Variants in STX2 observed in about 807,000 individuals in gnomAD.
STX2 encodes the protein syntaxin 2.
A neutral mutation model predicts 40.6 loss-of-function variants in STX2; 27 were observed. The ratio of observed to expected loss-of-function variants is 0.66; its 90% confidence interval spans 0.49 to 0.92. The LOEUF (loss-of-function observed/expected upper bound fraction) is 0.92. STX2 is among the 40% of genes least tolerant of loss of function. STX2 has a pLI of 0.00. For synonymous variants in STX2, 123 were observed against 119.1 expected (o/e 1.03, Z -0.22); for missense variants, 328 against 366.1 (o/e 0.90, Z 0.85).
chr12:130,831,775 G>T, intron 1 of STX2, among the ~76,000 whole-genome samples: 1 of 149,220 alleles, frequency 6.7e-6, no homozygotes, highest in South Asian at 2.1e-4. Context: ...TTATTTTTTT[G>T]TATTTTTACT....
intron 6 of STX2, among the ~76,000 whole-genome samples, 193 bp from the exon 7 acceptor site, chr12:130,801,681 C>A (rs2136246872): frequency 6.6e-6 from 1 of 152,192 alleles, no homozygotes; most frequent in Middle Eastern, 3.4e-3. Context: ...TAAAAATACT[C>A]CGAGAAACTT....
In STX2 at chr12:130,832,688, C is replaced by T. The variant is rs113880142; in HGVS notation, c.31-5421G>A. On this transcript the variant is annotated intron_variant, in intron 1 of 10. Transcript: ENST00000392373. ...ACTTGGGGGCGGGGGCAGCCCCTTA[C>T]ACCAGGCCGTGGAGACGAAGAGAAA... Among the ~76,000 whole-genome samples the T allele has an allele frequency of 4.4e-3, 672 of 152,316 alleles. 10 individuals are homozygous for T. Among genetic ancestry groups the T allele is most frequent in the African/African-American group, 0.016 (649 of 41,572 alleles).
intron 6 of STX2, among the ~76,000 whole-genome samples, chr12:130,803,236 T>C (rs909625234): frequency 4.6e-5 from 7 of 152,170 alleles, no homozygotes; most frequent in African/African-American, 1.7e-4. Flanking sequence ...CATGGTGGTT[T>C]ACATGTATAA....
chr12:130,802,688 G>A (rs866653666), intron 6 of STX2, among the ~76,000 whole-genome samples: 2 of 151,990 alleles, frequency 1.3e-5, no homozygotes, highest in East Asian at 1.9e-4. Flanking sequence ...ACAGAGATGG[G>A]GTTTTGCTAT....
At chr12:130,813,962 T>C (rs1468697417) in intron 3 of STX2, among the ~76,000 whole-genome samples, 2 of 152,142 alleles carry the variant, frequency 1.3e-5, no homozygotes, top group Non-Finnish European at 2.9e-5. Context: ...GTAGACAACT[T>C]GGCCAAGAAT....
chr12:130,808,688 A>C lies in STX2; in HGVS notation c.297T>G (p.Phe99Leu), dbSNP rs1442950801. The change falls in exon 5 of 11, where the codon TTT becomes TTG. Residue 99 changes from phenylalanine to leucine, a missense_variant. Coordinates refer to ENST00000392373, the MANE Select transcript of STX2 (RefSeq NM_194356.4). ...RAKLKAIEQS[F>L]DQDESGNRTS... Reference sequence around the variant, plus strand: ...TCCGGTTCCCACTCTCATCCTGATCAAAACTTTGTTCAATAGCTAGGAACA... The same window carrying C: ...TCCGGTTCCCACTCTCATCCTGATCCAAACTTTGTTCAATAGCTAGGAACA... 5 of 1,612,286 alleles carry C rather than the reference A, an allele frequency of 3.1e-6. No individual in the cohort carries two copies. The Admixed American group carries it at 8.4e-5, about 27-fold the overall frequency.
rs1304751462 is a variant in STX2, at chr12:130,795,902, C to G, written c.*45+93G>C. The stretch of plus-strand genomic sequence containing the variant: ...TTATCTGTACTGCGTGGCTGGCAAG[C>G]TTTTATTAGTTTTATGTCTATTACA... On this transcript the variant is annotated intron_variant, in intron 10 of 10. Coordinates refer to ENST00000392373, the MANE Select transcript of STX2 (RefSeq NM_194356.4). 7.0e-6 allele frequency: 10 copies of G among 1,436,194 alleles called. No homozygotes were observed. The South Asian group carries it at 8.9e-5, about 13-fold the overall frequency. 89.0% of individuals were successfully genotyped at this position (1,436,194 alleles called of 1,614,324 possible).
Position 130,791,011 on chromosome 12 carries a change from TA to T in STX2, c.*1011del, listed in dbSNP as rs1214211145. ...GTGGCTCCAACACCATGAAGCTTCC[TA>T]TTTCACTCAAAAGGCCACATTCAGT... On this transcript the variant is annotated 3_prime_UTR_variant, in exon 11 of 11. Transcript: ENST00000392373. The T allele has an allele frequency of 6.6e-6, 1 of 152,548 alleles. No individual in the cohort carries two copies. Among genetic ancestry groups the T allele is most frequent in the Non-Finnish European group, 1.5e-5 (1 of 68,042 alleles). 9.4% of individuals were successfully genotyped at this position (152,548 alleles called of 1,614,324 possible). A position where few individuals can be genotyped will look rare whatever the true frequency, so the allele number is the denominator to read the frequency against.
At chr12:130,815,063 T>C (rs1951809194) in intron 3 of STX2, among the ~76,000 whole-genome samples, 1 of 152,076 alleles carries the variant, frequency 6.6e-6, no homozygotes, top group Admixed American at 6.5e-5. Context: ...CAACATGCCA[T>C]CTCTATTTAA....
chr12:130,802,996 G>A (rs1428272777), intron 6 of STX2, among the ~76,000 whole-genome samples: 1 of 152,170 alleles, frequency 6.6e-6, no homozygotes, highest in Non-Finnish European at 1.5e-5. Flanking sequence ...TTCTTTTTGG[G>A]TTGATAAAAG....
chr12:130,815,818 T>C (rs1232428999), intron 3 of STX2, among the ~76,000 whole-genome samples: 1 of 152,256 alleles, frequency 6.6e-6, no homozygotes, highest in Non-Finnish European at 1.5e-5. Flanking sequence ...ATACAATTTG[T>C]ACTTCAATAT....
intron 3 of STX2, among the ~76,000 whole-genome samples, chr12:130,813,278 C>CT (rs1951728120): frequency 6.6e-6 from 1 of 152,172 alleles, no homozygotes. Flanking sequence ...TACTCAGAAA[C>CT]TGAGGTGGGG....
In STX2 at chr12:130,808,634, G is replaced by A; in HGVS notation, c.351C>T (p.Thr117=). 2 of 1,612,574 alleles carry A rather than the reference G, an allele frequency of 1.2e-6. No individual in the cohort carries two copies. The highest frequency in any genetic ancestry group is 2.7e-5 in the African/African-American group (2 of 74,890). ...RTSVDLRIRR[T]QHSVLSRKFV... is the part of the protein sequence containing the mutation. ...CTAAACGAGGCTGATAGCAAACCTG[G>A]GTTCTTCGTATCCGAAGATCCACTG... Residue 117 remains threonine, a synonymous_variant, in exon 5 of 11, where the codon ACC becomes ACT. Transcript: ENST00000392373.
At chr12:130,820,995 A>G (rs968414109) in intron 3 of STX2, among the ~76,000 whole-genome samples, 2 of 152,190 alleles carry the variant, frequency 1.3e-5, no homozygotes, top group South Asian at 4.1e-4. Context: ...TCTCTTCTCT[A>G]TAGCTCCCAC....
At chr12:130,800,642 T>C (rs7132657) in intron 8 of STX2, among the ~76,000 whole-genome samples, 85,501 of 152,168 alleles carry the variant, frequency 0.56, 26,449 homozygotes, top group East Asian at 0.88. Context: ...ATGCTTCTTA[T>C]AGAAAATCTG....
intron 9 of STX2, among the ~76,000 whole-genome samples, chr12:130,797,464 T>A (rs537334536): frequency 6.6e-6 from 1 of 151,866 alleles, no homozygotes; most frequent in Non-Finnish European, 1.5e-5. Flanking sequence ...AAGCGGAGGG[T>A]GTGCCCTGGC....
intron 1 of STX2, among the ~76,000 whole-genome samples, chr12:130,834,743 C>T (rs1305316627): frequency 1.3e-5 from 2 of 152,116 alleles, no homozygotes; most frequent in Non-Finnish European, 2.9e-5. Context: ...TATGAGAACA[C>T]ACAAAATATA....
chr12:130,838,945 A>G (rs986600675), intron 1 of STX2, 125 bp downstream of exon 1: 29 of 775,936 alleles, frequency 3.7e-5, no homozygotes, highest in East Asian at 1.1e-4. Context: ...CCCCCGCCCC[A>G]GAACGCCGGA....
At chr12:130,834,753 A>G (rs556302151) in intron 1 of STX2, among the ~76,000 whole-genome samples, 1 of 152,360 alleles carries the variant, frequency 6.6e-6, no homozygotes, top group South Asian at 2.1e-4. Flanking sequence ...CACAAAATAT[A>G]AAAATTTGGC....
Sources: gnomAD v4.1 joint callset for allele counts (sites outside exome capture counted in the v4.1 genomes callset) on GRCh38, gnomAD v4.1.1 for gene constraint, MANE v1.5 for transcripts, NCBI Gene and HGNC (gene_info 2026-07-23, HGNC 2026-07-21) for gene names.